The following PCDH15 variants were observed in gnomAD, a reference collection of about 807,000 sequenced individuals.
PCDH15 encodes the protein protocadherin related 15, also known as protocadherin-15.
In PCDH15, 129 loss-of-function variants were observed where a neutral mutation model predicts 178.5. The observed-to-expected ratio is 0.72, with a 90% CI of 0.63 to 0.84. The LOEUF is 0.84. Ranked by LOEUF, PCDH15 falls within the 40% of genes least tolerant of loss-of-function variation. The pLI is 0.00. For synonymous variants in PCDH15, 800 were observed against 732.0 expected, an observed-to-expected ratio of 1.09 and a Z score of -1.50; for missense variants, 2,230 against 2,099.9, an observed-to-expected ratio of 1.06 and a Z score of -1.21.
In PCDH15 at chr10:54,339,363, C is replaced by CAA. The variant is rs5785069; in HGVS notation, c.594+7000_594+7001dup. On this transcript the variant is annotated intron_variant, in intron 6 of 37. Coordinates refer to ENST00000644397, the MANE Select transcript of PCDH15 (RefSeq NM_001384140.1). ...TTTGTATTACCATGAAGGCATTAAA[C>CAA]AAAAAAAAAAATCAGCAGTATTTTA... is the stretch of plus-strand genomic sequence containing the variant. Among the ~76,000 whole-genome samples, 1,103 of 131,706 alleles carry CAA rather than the reference C, an allele frequency of 8.4e-3. 7 individuals carry two copies. The highest frequency in any genetic ancestry group is 0.012 in the Admixed American group (166 of 13,300). The allele number at this position is 131,706 out of a possible 152,430, so 86.4% of individuals were successfully genotyped here. A position where few individuals can be genotyped will look rare whatever the true frequency, so the allele number is the denominator to read the frequency against.
At chr10:54,635,858 T>C (rs1012692957) in intron 2 of PCDH15, among the ~76,000 whole-genome samples, 15 of 151,864 alleles carry the variant, frequency 9.9e-5, no homozygotes, top group African/African-American at 3.6e-4. Context: ...AGTTCACTTT[T>C]AATCACAAAT....
In PCDH15 at chr10:53,906,587, G is replaced by A. The variant is rs191004991; in HGVS notation, c.3374-3217C>T. ...GTTAGCTTTCTTTGATTATAATCAT[G>A]AGATTATGATTAACTGAAACAAAAA... On this transcript the variant is annotated intron_variant, in intron 25 of 37. Transcript: ENST00000644397. Among the ~76,000 whole-genome samples, 563 of 152,214 alleles carry A rather than the reference G, an allele frequency of 3.7e-3. 1 individual carries two copies. Among genetic ancestry groups the A allele is most frequent in the Middle Eastern group, 0.014 (4 of 294 alleles).
At chr10:55,288,649 C>T (rs1039880867) in intron 1 of PCDH15, among the ~76,000 whole-genome samples, 1 of 151,980 alleles carries the variant, frequency 6.6e-6, no homozygotes, top group African/African-American at 2.4e-5. Flanking sequence ...TTTTAATTGG[C>T]TTATTCCACT....
chr10:55,445,272 CT>C (rs899062249), intron 2 of PCDH15, among the ~76,000 whole-genome samples: 4 of 151,124 alleles, frequency 2.6e-5, no homozygotes, highest in Admixed American at 6.6e-5. Context: ...GGTTTTCCTG[CT>C]TTTTTTTTCT....
intron 2 of PCDH15, among the ~76,000 whole-genome samples, chr10:55,532,124 A>C (rs1295404227): frequency 6.6e-6 from 1 of 152,052 alleles, no homozygotes; most frequent in Non-Finnish European, 1.5e-5. Context: ...TATCATAAAG[A>C]TATAAAAAGA....
At chr10:55,332,874 T>C (rs1844245659) in intron 2 of PCDH15, among the ~76,000 whole-genome samples, 1 of 152,182 alleles carries the variant, frequency 6.6e-6, no homozygotes, top group East Asian at 1.9e-4. Context: ...ATTAAACCTT[T>C]TCTTCTTTAT....
intron 2 of PCDH15, among the ~76,000 whole-genome samples, chr10:55,442,406 T>C (rs556521176): frequency 3.1e-4 from 46 of 147,762 alleles, no homozygotes; most frequent in African/African-American, 1.0e-3. Context: ...TGTTTATTTC[T>C]GGTTTTCACA....
upstream of PCDH15, among the ~76,000 whole-genome samples, chr10:54,805,106 G>C (rs547689547): frequency 6.7e-6 from 1 of 150,198 alleles, no homozygotes; most frequent in Non-Finnish European, 1.5e-5. Flanking sequence ...TCAAAGTATC[G>C]GGTTAAATAT....
rs114617693 is a variant in PCDH15, at chr10:54,079,962, G to C, written c.1998-538C>G. On this transcript the variant is annotated intron_variant, in intron 16 of 37. Transcript: ENST00000644397. ...ACCCATTGTACAAAATTAGAAAATA[G>C]AATTTTTTCAAATTACAGAAATTAT... Among the ~76,000 whole-genome samples, 1,318 of 151,978 alleles carry C rather than the reference G, an allele frequency of 8.7e-3. 25 individuals are homozygous for C. The highest frequency in any genetic ancestry group is 0.03 in the African/African-American group (1,229 of 41,500).
chr10:54,818,360 A>G (rs533705695), intron 3 of PCDH15, among the ~76,000 whole-genome samples: 1 of 152,198 alleles, frequency 6.6e-6, no homozygotes, highest in South Asian at 2.1e-4. Context: ...CCACATCCGT[A>G]GTCCCCCTCA....
At chr10:54,127,475 G>A (rs997620504) in intron 15 of PCDH15, among the ~76,000 whole-genome samples, 2 of 152,122 alleles carry the variant, frequency 1.3e-5, no homozygotes, top group Admixed American at 6.5e-5. Flanking sequence ...GAATTTTATC[G>A]TAAATAAGCC....
intron 2 of PCDH15, among the ~76,000 whole-genome samples, chr10:54,961,539 C>T (rs1285935622): frequency 6.6e-6 from 1 of 152,166 alleles, no homozygotes; most frequent in Admixed American, 6.5e-5. Context: ...CCAGGCCCAC[C>T]CATGGCTGCC....
intron 32 of PCDH15, among the ~76,000 whole-genome samples, chr10:53,820,443 A>C (rs941548683): frequency 6.6e-6 from 1 of 152,064 alleles, no homozygotes; most frequent in Non-Finnish European, 1.5e-5. Context: ...GAAATAACGC[A>C]TTGAAGGGGG....
chr10:54,964,697 G>A (rs777366541), intron 2 of PCDH15, among the ~76,000 whole-genome samples: 21 of 152,112 alleles, frequency 1.4e-4, no homozygotes, highest in African/African-American at 2.4e-4. Context: ...CACTGATAGC[G>A]TTTGCAAGGG....
intron 26 of PCDH15, among the ~76,000 whole-genome samples, chr10:53,899,298 A>G (rs1462581023): frequency 6.6e-6 from 1 of 152,076 alleles, no homozygotes; most frequent in African/African-American, 2.4e-5. Context: ...TATATTAGGT[A>G]TACCACTTCA....
intron 2 of PCDH15, among the ~76,000 whole-genome samples, chr10:55,006,233 C>T (rs912514239): frequency 2.0e-5 from 3 of 152,006 alleles, no homozygotes; most frequent in Non-Finnish European, 4.4e-5. Context: ...ATCCTTTGAT[C>T]AATATCTCTC....
intron 1 of PCDH15, among the ~76,000 whole-genome samples, chr10:55,240,129 A>G (rs575730591): frequency 1.3e-5 from 2 of 152,318 alleles, no homozygotes; most frequent in African/African-American, 2.4e-5. Flanking sequence ...AGGTTCCTCA[A>G]AAAACTAAAA....
intron 3 of PCDH15, among the ~76,000 whole-genome samples, chr10:54,832,949 A>T (rs2133753049): frequency 6.6e-6 from 1 of 152,234 alleles, no homozygotes; most frequent in East Asian, 1.9e-4. Context: ...ACTTTTTTGC[A>T]AGGAGAAACT....
intron 2 of PCDH15, among the ~76,000 whole-genome samples, chr10:55,480,465 T>C (rs745945432): frequency 6.6e-6 from 1 of 151,720 alleles, no homozygotes; most frequent in Non-Finnish European, 1.5e-5. Context: ...TGGTGGTGAG[T>C]CTATCATATA....
Sources: gnomAD v4.1 joint callset for allele counts (sites outside exome capture counted in the v4.1 genomes callset) on GRCh38, gnomAD v4.1.1 for gene constraint, MANE v1.5 for transcripts, NCBI Gene and HGNC (gene_info 2026-07-23, HGNC 2026-07-21) for gene names.